The following CA12 variants were observed in gnomAD, a reference collection of about 807,000 sequenced individuals.
The protein encoded by CA12 is carbonic anhydrase 12, also known as carbonate dehydratase XII.
CA12 carries 36 observed loss-of-function variants against 46.8 expected under a neutral mutation model. The observed-to-expected ratio is 0.77, with a 90% CI of 0.59 to 1.02. The LOEUF (loss-of-function observed/expected upper bound fraction) is 1.02. Among genes scored for constraint, CA12 ranks in the 50% least tolerant of loss-of-function variants. CA12 has a pLI of 0.00. For missense variants in CA12, 436 were observed against 451.4 expected (o/e 0.97, Z 0.31); for synonymous variants, 202 against 187.0 (o/e 1.08, Z -0.65).
rs117716169 is a variant in CA12, at chr15:63,352,766, A to G, written c.107-6057T>C. Among the ~76,000 whole-genome samples the G allele has an allele frequency of 1.6e-4, 25 of 152,334 alleles. No homozygotes were observed. In the East Asian group the frequency reaches 4.8e-3, roughly 29 times the overall value. ...AACAAATAGGCACAATTTCAGGACA[A>G]TGATAGCTTTTGGTTAGTCCCTCAA... On this transcript the variant is annotated intron_variant, in intron 2 of 10. Coordinates refer to ENST00000178638, the MANE Select transcript of CA12 (RefSeq NM_001218.5).
intron 2 of CA12, among the ~76,000 whole-genome samples, chr15:63,371,252 A>G (rs1236862581): frequency 6.6e-6 from 1 of 152,174 alleles, no homozygotes; most frequent in African/African-American, 2.4e-5. Context: ...GGACATGAAA[A>G]TGAGGTTTGC....
intron 2 of CA12, among the ~76,000 whole-genome samples, chr15:63,361,602 G>A (rs1342321635): frequency 6.6e-6 from 1 of 152,142 alleles, no homozygotes; most frequent in African/African-American, 2.4e-5. Context: ...GGTCGAGACT[G>A]GACTATTGTA....
At position 63,330,207 on chromosome 15, in the gene CA12, G is replaced by C. The variant is rs1289843597; in HGVS notation, c.875-2077C>G. Reference sequence around the variant, plus strand: ...GCTTGGGGAGGTACTGAGGACATGAGTCTCCACCTGGAGGGAGCTTCCAGT... The same window carrying C: ...GCTTGGGGAGGTACTGAGGACATGACTCTCCACCTGGAGGGAGCTTCCAGT... On this transcript the variant is annotated intron_variant, in intron 8 of 10. Coordinates refer to ENST00000178638, the MANE Select transcript of CA12 (RefSeq NM_001218.5). This position sits in a 1 kb window ranked among gnomAD's most constrained non-coding sequence, Gnocchi z 4.0. Among the ~76,000 whole-genome samples, 1 of 152,222 alleles carries C rather than the reference G, an allele frequency of 6.6e-6. No homozygotes were observed. The highest frequency in any genetic ancestry group is 1.5e-5 in the Non-Finnish European group (1 of 68,036).
rs758286217 is a variant in CA12 at position 63,338,895 on chromosome 15, G to C, written c.798C>G (p.Ser266=). The C allele has an allele frequency of 1.2e-6, 2 of 1,614,160 alleles. No homozygotes were observed. Among genetic ancestry groups the C allele is most frequent in the Non-Finnish European group, 1.7e-6 (2 of 1,180,028 alleles). Residue 266 remains serine (S), a synonymous_variant, in exon 8 of 11, where the codon TCC becomes TCG. Transcript: ENST00000178638. ...GGAAGTTGTTGATCATTTCTCTGGG[G>C]GAAGGGTCGTCCATGTGTGTGCAGT... ...ALYCTHMDDP[S]PREMINNFRQ...
chr15:63,330,021 G>A lies in CA12; in HGVS notation c.875-1891C>T, dbSNP rs962109068. On this transcript the variant is annotated intron_variant, in intron 8 of 10. Coordinates refer to ENST00000178638, the MANE Select transcript of CA12 (RefSeq NM_001218.5). This position sits in a 1 kb window ranked among gnomAD's most constrained non-coding sequence, Gnocchi z 4.0. The stretch of plus-strand genomic sequence containing the variant: ...GCTGCTGTGAGGGTTAGCAGAGCAG[G>A]CAGGGAGAAGAGCTGTCCCCAAGGA... Among the ~76,000 whole-genome samples, 2 of 152,244 alleles carry A rather than the reference G, an allele frequency of 1.3e-5. No individual in the cohort carries two copies. The highest frequency in any genetic ancestry group is 2.9e-5 in the Non-Finnish European group (2 of 68,046).
chr15:63,341,441 G>A lies in CA12; in HGVS notation c.525+561C>T, dbSNP rs1379764344. On this transcript the variant is annotated intron_variant, in intron 5 of 10. Coordinates refer to ENST00000178638, the MANE Select transcript of CA12 (RefSeq NM_001218.5). The surrounding 1 kb of genome is among the most constrained non-coding windows in gnomAD (Gnocchi z 5.2). The stretch of plus-strand genomic sequence containing the variant: ...ACAAGCCCTATTGTGAACTGCGCAT[G>A]CAAGGGATCTAGGCTGTGTATTCCT... Among the ~76,000 whole-genome samples, 4 of 152,222 alleles carry A rather than the reference G, an allele frequency of 2.6e-5. No individual in the cohort carries two copies. Among genetic ancestry groups the A allele is most frequent in the African/African-American group, 9.7e-5 (4 of 41,446 alleles).
chr15:63,326,680 C>G (rs564332681), intron 10 of CA12, among the ~76,000 whole-genome samples: 2 of 152,030 alleles, frequency 1.3e-5, no homozygotes, highest in South Asian at 4.2e-4. Context: ...TCATACCCCC[C>G]CCAAATAAAT....
chr15:63,380,645 C>T (rs2039632739), intron 1 of CA12, among the ~76,000 whole-genome samples: 1 of 152,176 alleles, frequency 6.6e-6, no homozygotes, highest in African/African-American at 2.4e-5. Flanking sequence ...AGCTAGTTGA[C>T]TGGAATTTAA....
intron 2 of CA12, among the ~76,000 whole-genome samples, chr15:63,358,612 G>A (rs1595787167): frequency 6.6e-6 from 1 of 152,168 alleles, no homozygotes; most frequent in African/African-American, 2.4e-5. Context: ...CGGTAGGTGA[G>A]AAGCCATGAC....
chr15:63,381,265 C>T (rs1361450165), intron 1 of CA12, among the ~76,000 whole-genome samples: 3 of 152,148 alleles, frequency 2.0e-5, no homozygotes, highest in Admixed American at 1.3e-4. Context: ...TGTGCTTACC[C>T]CAATCAGAAT....
At chr15:63,346,793 T>C in intron 2 of CA12, 84 bp from the exon 3 acceptor site, 1 of 1,448,290 alleles carries the variant, frequency 6.9e-7, no homozygotes, top group Non-Finnish European at 9.7e-7. Flanking sequence ...TCAATACAAT[T>C]ACTCCTTTTC....
At chr15:63,353,015 A>G (rs1017820607) in intron 2 of CA12, among the ~76,000 whole-genome samples, 16 of 152,124 alleles carry the variant, frequency 1.1e-4, no homozygotes, top group African/African-American at 3.6e-4. Flanking sequence ...TCTTCAACAA[A>G]TGTGTCTAGT....
rs1407934698 is a variant in CA12 at position 63,324,656 on chromosome 15, T to A, written c.*1629A>T. ...GGCTCCCAAGACATAAGGCTTGCCA[T>A]CGTTGTGAAAAGTTGTGATGGTACA... On this transcript the variant is annotated 3_prime_UTR_variant, in exon 11 of 11. Coordinates refer to ENST00000178638, the MANE Select transcript of CA12 (RefSeq NM_001218.5). 6.6e-6 allele frequency: 1 copy of A among 151,772 alleles called. No homozygotes were observed. Among genetic ancestry groups the A allele is most frequent in the Non-Finnish European group, 1.5e-5 (1 of 68,078 alleles). 9.4% of individuals were successfully genotyped at this position (151,772 alleles called of 1,614,324 possible). A position where few individuals can be genotyped will look rare whatever the true frequency, so the allele number is the denominator to read the frequency against.
chr15:63,336,374 A>C (rs914357478), intron 8 of CA12, among the ~76,000 whole-genome samples: 1 of 152,120 alleles, frequency 6.6e-6, no homozygotes, highest in African/African-American at 2.4e-5. Context: ...AGCGGGGGTT[A>C]CTTTTGGATG....
intron 2 of CA12, among the ~76,000 whole-genome samples, chr15:63,346,914 G>C (rs2039157911): frequency 6.6e-6 from 1 of 152,238 alleles, no homozygotes; most frequent in South Asian, 2.1e-4. Context: ...TGTGGGGAAA[G>C]AAGGACTAGG....
At chr15:63,358,583 C>T (rs2039320970) in intron 2 of CA12, among the ~76,000 whole-genome samples, 1 of 152,190 alleles carries the variant, frequency 6.6e-6, no homozygotes, top group African/African-American at 2.4e-5. Context: ...CAGCACTCAT[C>T]TTTGTGAAGA....
At chr15:63,342,636 G>A (rs1567044782) in intron 4 of CA12, among the ~76,000 whole-genome samples, 2 of 152,114 alleles carry the variant, frequency 1.3e-5, no homozygotes, top group Non-Finnish European at 2.9e-5. Flanking sequence ...GGTATAATGG[G>A]TCATGTCCAA....
rs2038882391 is a variant in CA12, at chr15:63,327,457, A to C, written c.908-224T>G. On this transcript the variant is annotated intron_variant, in intron 9 of 10. Transcript: ENST00000178638. The surrounding 1 kb of genome is among the most constrained non-coding windows in gnomAD (Gnocchi z 4.5). ...AGTGGTTTTCCAGCAGATGCTCTCA[A>C]ACTTACACAAGGGTCATCTGAAGAG... 2.0e-5 allele frequency among the ~76,000 whole-genome samples: 3 copies of C among 151,182 alleles called. No individual in the cohort carries two copies. The South Asian group carries it at 6.3e-4, about 32-fold the overall frequency.
rs762050632 is a variant in CA12, at chr15:63,345,542, A to AGTGCAG, written c.358_363dup (p.Leu120_His121dup). The AGTGCAG allele has an allele frequency of 1.9e-6, 3 of 1,613,336 alleles. No individual in the cohort carries two copies. The highest frequency in any genetic ancestry group is 2.5e-6 in the Non-Finnish European group (3 of 1,180,024). On this transcript the variant is annotated inframe_insertion, in exon 4 of 11. Transcript: ENST00000178638. The surrounding 1 kb of genome is among the most constrained non-coding windows in gnomAD (Gnocchi z 4.3). ...CCGTGCGGGTCATTCGGGTTCCCCC[A>AGTGCAG]GTGCAGGTGCAGCTGCGTGGCACTG...
Sources: allele counts gnomAD v4.1 joint callset (sites outside exome capture counted in the v4.1 genomes callset), GRCh38; gene constraint gnomAD v4.1.1; non-coding constraint Gnocchi (gnomAD v3.1); transcripts MANE v1.5; gene names NCBI Gene and HGNC (gene_info 2026-07-23, HGNC 2026-07-21).